The following CDH13 variants were observed in gnomAD, a reference collection of about 807,000 sequenced individuals.
CDH13 encodes the protein cadherin 13.
Under a neutral mutation model 63.8 loss-of-function variants are expected in CDH13, and 24 were observed. That is an observed-to-expected ratio of 0.38 (90% CI 0.27 to 0.53). The LOEUF is 0.53. Ranked by LOEUF, CDH13 falls within the 20% of genes least tolerant of loss-of-function variation. The probability of loss-of-function intolerance (pLI) is 0.85; values close to 1 mark genes in which losing one functional copy is unlikely to be tolerated. For missense variants in CDH13, 1,049 were observed against 903.1 expected, an observed-to-expected ratio of 1.16 and a Z score of -2.07; for synonymous variants, 503 against 355.3, an observed-to-expected ratio of 1.42 and a Z score of -4.67.
At chr16:82,719,301 G>C (rs2032605957) in intron 1 of CDH13, 2 of 452,792 alleles carry the variant, frequency 4.4e-6, no homozygotes, top group South Asian at 3.1e-5. Context: ...AGGTGGTGTG[G>C]AGATGCACTG....
At chr16:83,598,249 C>T (rs192848652) in intron 7 of CDH13, among the ~76,000 whole-genome samples, 5 of 152,138 alleles carry the variant, frequency 3.3e-5, no homozygotes, top group Admixed American at 3.3e-4. Context: ...ATTATAGTCC[C>T]AGCTACTCAG....
intron 1 of CDH13, among the ~76,000 whole-genome samples, chr16:82,777,002 G>T (rs553331814): frequency 6.6e-6 from 1 of 152,200 alleles, no homozygotes; most frequent in Non-Finnish European, 1.5e-5. Context: ...GTGCAGTGAC[G>T]TGATGCAATC....
Position 82,901,802 on chromosome 16 carries a change from G to A in CDH13, c.157+43329G>A, listed in dbSNP as rs186968869. On this transcript the variant is annotated intron_variant, in intron 2 of 13. Coordinates refer to ENST00000567109, the MANE Select transcript of CDH13 (RefSeq NM_001257.5). ...ATGTAACTCAAAACAAAAGACAAAGGTCTTGCCCTCATGGAGCCTGAAGTC... is the reference window on the plus strand; with the variant it reads ...ATGTAACTCAAAACAAAAGACAAAGATCTTGCCCTCATGGAGCCTGAAGTC... Among the ~76,000 whole-genome samples the A allele has an allele frequency of 3.5e-4, 53 of 152,304 alleles. 1 individual carries two copies. The highest frequency in any genetic ancestry group is 1.2e-3 in the African/African-American group (50 of 41,582).
At position 82,735,142 on chromosome 16, in the gene CDH13, C is replaced by G. The variant is rs542374403; in HGVS notation, c.45+108005C>G. Among the ~76,000 whole-genome samples, 9 of 152,298 alleles carry G rather than the reference C, an allele frequency of 5.9e-5. No individual in the cohort carries two copies. The East Asian group carries it at 1.5e-3, about 26-fold the overall frequency. On this transcript the variant is annotated intron_variant, in intron 1 of 13. Transcript: ENST00000567109. ...CTTAAAGGAGCAAAGTAAAAGGAAA[C>G]AAGCCAAGGGGAAAGGCTTCAAAGA...
At chr16:83,596,049 T>C (rs1340620057) in intron 7 of CDH13, among the ~76,000 whole-genome samples, 1 of 152,234 alleles carries the variant, frequency 6.6e-6, no homozygotes, top group East Asian at 1.9e-4. Context: ...TGCAGTTGAT[T>C]ACATTCGTCT....
intron 4 of CDH13, among the ~76,000 whole-genome samples, chr16:83,139,735 G>T (rs1264663623): frequency 6.6e-6 from 1 of 152,160 alleles, no homozygotes; most frequent in Admixed American, 6.5e-5. Flanking sequence ...CAGGCGCAGT[G>T]GTTCATGCCT....
At chr16:83,791,857 T>C (rs150959217) in intron 13 of CDH13, among the ~76,000 whole-genome samples, 1 of 148,904 alleles carries the variant, frequency 6.7e-6, no homozygotes, top group East Asian at 2.0e-4. Flanking sequence ...AGATAGCCAG[T>C]AAACACTTTT....
At chr16:82,952,073 G>T (rs567254167) in intron 2 of CDH13, among the ~76,000 whole-genome samples, 17 of 152,290 alleles carry the variant, frequency 1.1e-4, no homozygotes, top group African/African-American at 4.1e-4. Context: ...ACATTTTCTC[G>T]AAAGGAGTTT....
intron 4 of CDH13, among the ~76,000 whole-genome samples, chr16:83,160,743 C>G (rs569817024): frequency 6.6e-6 from 1 of 152,316 alleles, no homozygotes; most frequent in South Asian, 2.1e-4. Context: ...TTGGTATTAA[C>G]TGATGAGCTC....
At chr16:82,923,729 C>T (rs2151284526) in intron 2 of CDH13, among the ~76,000 whole-genome samples, 1 of 152,326 alleles carries the variant, frequency 6.6e-6, no homozygotes, top group South Asian at 2.1e-4. Flanking sequence ...TGAAGCGGCT[C>T]TTAAATATGT....
At chr16:83,539,779 G>C (rs573309367) in intron 7 of CDH13, among the ~76,000 whole-genome samples, 2 of 152,184 alleles carry the variant, frequency 1.3e-5, no homozygotes, top group Non-Finnish European at 2.9e-5. Flanking sequence ...CATGCGAATA[G>C]GTTAGACTTA....
chr16:82,641,470 C>T (rs897105308), intron 1 of CDH13, among the ~76,000 whole-genome samples: 4 of 152,206 alleles, frequency 2.6e-5, no homozygotes, highest in African/African-American at 4.8e-5. Flanking sequence ...ATTTTTAAAA[C>T]CTTCTGAATT....
At chr16:82,628,367 T>G (rs950691957) in intron 1 of CDH13, among the ~76,000 whole-genome samples, 1 of 152,036 alleles carries the variant, frequency 6.6e-6, no homozygotes, top group Non-Finnish European at 1.5e-5. Flanking sequence ...GGTGAGAGTT[T>G]GCGGGTGAAA....
chr16:83,768,848 C>T (rs1914576440), intron 11 of CDH13, among the ~76,000 whole-genome samples: 1 of 152,106 alleles, frequency 6.6e-6, no homozygotes, highest in Non-Finnish European at 1.5e-5. Context: ...TTCTTTATTG[C>T]AACCTGTTTT....
chr16:82,887,074 T>C (rs2040913233), intron 2 of CDH13, among the ~76,000 whole-genome samples: 1 of 152,194 alleles, frequency 6.6e-6, no homozygotes, highest in African/African-American at 2.4e-5. Context: ...AGCCTCCTTT[T>C]AAATAGGGCA....
At chr16:83,399,793 A>G (rs935775366) in intron 6 of CDH13, among the ~76,000 whole-genome samples, 3 of 151,976 alleles carry the variant, frequency 2.0e-5, no homozygotes, top group Admixed American at 2.0e-4. Context: ...CTTTGTCCTC[A>G]CCATTTTACC....
intron 7 of CDH13, among the ~76,000 whole-genome samples, chr16:83,602,101 C>CAAAAAAAAAAAAAAAAAAAAAAAAAA (rs1187641931): frequency 2.4e-4 from 1 of 4,170 alleles, no homozygotes; most frequent in Non-Finnish European, 3.7e-4. Context: ...AAAAAAAGAA[C>CAAAAAAAAAAAAAAAAAAAAAAAAAA]AACAACAAAA....
intron 1 of CDH13, among the ~76,000 whole-genome samples, chr16:82,758,687 G>A (rs763349232): frequency 2.6e-5 from 4 of 152,192 alleles, no homozygotes; most frequent in Non-Finnish European, 5.9e-5. Flanking sequence ...TGGAGGGGTA[G>A]TAAATGTAGG....
chr16:82,735,473 A>C (rs963345075), intron 1 of CDH13, among the ~76,000 whole-genome samples: 2 of 152,254 alleles, frequency 1.3e-5, no homozygotes, highest in Non-Finnish European at 2.9e-5. Context: ...CATGAACTAG[A>C]GTATCGCCTT....
Sources: gnomAD v4.1 joint callset for allele counts (sites outside exome capture counted in the v4.1 genomes callset) on GRCh38, gnomAD v4.1.1 for gene constraint, MANE v1.5 for transcripts, NCBI Gene and HGNC (gene_info 2026-07-23, HGNC 2026-07-21) for gene names.